Variants in EPHA3 observed in about 807,000 individuals in gnomAD.
EPHA3 encodes ephrin type-A receptor 3.
A neutral mutation model predicts 107.1 loss-of-function variants in EPHA3; 42 were observed. The observed-to-expected ratio is 0.39, with a 90% confidence interval of 0.31 to 0.51. The LOEUF (loss-of-function observed/expected upper bound fraction) is 0.51, where lower values mean the gene tolerates loss of function less well. EPHA3 is among the 20% of genes least tolerant of loss of function. EPHA3 has a pLI of 0.78. For synonymous variants in EPHA3, 461 were observed against 424.8 expected, an observed-to-expected ratio of 1.09 and a Z score of -1.05; for missense variants, 1,183 against 1,211.2, an observed-to-expected ratio of 0.98 and a Z score of 0.35.
intron 2 of EPHA3, among the ~76,000 whole-genome samples, chr3:89,183,894 G>A (rs1015920967): frequency 6.6e-6 from 1 of 151,854 alleles, no homozygotes; most frequent in Non-Finnish European, 1.5e-5. Flanking sequence ...TGTGAGATTT[G>A]CTGGTTACAT....
chr3:89,291,054 G>A (rs540157317), intron 3 of EPHA3, among the ~76,000 whole-genome samples: 359 of 152,184 alleles, frequency 2.4e-3, no homozygotes, highest in Non-Finnish European at 3.4e-3. Context: ...TATACCCTTT[G>A]TAGTCAGCAT....
intron 5 of EPHA3, among the ~76,000 whole-genome samples, chr3:89,370,524 G>T (rs1161180701): frequency 6.6e-6 from 1 of 151,708 alleles, no homozygotes; most frequent in Non-Finnish European, 1.5e-5. Flanking sequence ...GGAGGAGGGG[G>T]GAGGGATAGC....
intron 2 of EPHA3, among the ~76,000 whole-genome samples, chr3:89,132,303 C>T (rs1704223099): frequency 6.6e-6 from 1 of 152,174 alleles, no homozygotes; most frequent in Non-Finnish European, 1.5e-5. Context: ...ATTTAAGCCA[C>T]TCTTAGTGTT....
intron 2 of EPHA3, among the ~76,000 whole-genome samples, chr3:89,129,629 C>T (rs1235228329): frequency 3.7e-5 from 5 of 135,438 alleles, no homozygotes; most frequent in African/African-American, 1.4e-4. Context: ...GAGAAACTGA[C>T]CAAATTACTG....
intron 16 of EPHA3, 30 bp from the exon 17 acceptor site, chr3:89,479,367 C>G (rs113453102): frequency 1.1e-5 from 17 of 1,578,808 alleles, no homozygotes; most frequent in African/African-American, 1.3e-5. Context: ...TCGAGGAAAC[C>G]GATTCTTATA....
At chr3:89,452,111 T>C (rs781234444) in intron 15 of EPHA3, among the ~76,000 whole-genome samples, 2 of 152,198 alleles carry the variant, frequency 1.3e-5, no homozygotes, top group Non-Finnish European at 2.9e-5. Flanking sequence ...CTTCTGTCAG[T>C]GGATACCTAT....
chr3:89,232,907 G>A (rs547918731), intron 3 of EPHA3, among the ~76,000 whole-genome samples: 2 of 152,240 alleles, frequency 1.3e-5, no homozygotes, highest in Admixed American at 1.3e-4. Flanking sequence ...TTGAACCGTA[G>A]CTGTTAGCTC....
intron 3 of EPHA3, among the ~76,000 whole-genome samples, chr3:89,258,377 T>C (rs1437246831): frequency 6.6e-6 from 1 of 152,184 alleles, no homozygotes; most frequent in Non-Finnish European, 1.5e-5. Context: ...GTGGCCTATA[T>C]ACTAGAAGAC....
intron 11 of EPHA3, among the ~76,000 whole-genome samples, chr3:89,425,435 G>A (rs552309486): frequency 1.4e-5 from 2 of 140,930 alleles, no homozygotes; most frequent in Non-Finnish European, 3.1e-5. Flanking sequence ...TCCTGACACT[G>A]ATTATATAGA....
chr3:89,409,628 G>A (rs1041221174), intron 9 of EPHA3, among the ~76,000 whole-genome samples: 1 of 151,950 alleles, frequency 6.6e-6, no homozygotes. Context: ...AAAGAGAAAT[G>A]CATTTCATCC....
chr3:89,358,112 T>C (rs1708005970), intron 5 of EPHA3, among the ~76,000 whole-genome samples: 1 of 151,122 alleles, frequency 6.6e-6, no homozygotes, highest in African/African-American at 2.4e-5. Context: ...AGAAAGTATA[T>C]GGAGTCTAAC....
intron 3 of EPHA3, among the ~76,000 whole-genome samples, chr3:89,330,672 CT>C (rs1316501250): frequency 1.3e-5 from 2 of 152,080 alleles, no homozygotes; most frequent in African/African-American, 2.4e-5. Context: ...AGTTTGTCAT[CT>C]TTTATTTGCA....
At chr3:89,285,111 A>G (rs1706048278) in intron 3 of EPHA3, among the ~76,000 whole-genome samples, 1 of 152,188 alleles carries the variant, frequency 6.6e-6, no homozygotes, top group Non-Finnish European at 1.5e-5. Flanking sequence ...CAACAGAGCG[A>G]AACTCTGTCT....
chr3:89,150,788 A>C (rs1191696398), intron 2 of EPHA3, among the ~76,000 whole-genome samples: 1 of 152,048 alleles, frequency 6.6e-6, no homozygotes, highest in African/African-American at 2.4e-5. Flanking sequence ...AACACTTGTA[A>C]TTTGACATTT....
chr3:89,128,878 C>T (rs1305814902), intron 2 of EPHA3, among the ~76,000 whole-genome samples: 1 of 151,718 alleles, frequency 6.6e-6, no homozygotes, highest in Non-Finnish European at 1.5e-5. Context: ...AAATGAATTC[C>T]CCCATTGTTA....
chr3:89,199,566 T>C (rs1463256001), intron 2 of EPHA3, among the ~76,000 whole-genome samples: 1 of 152,200 alleles, frequency 6.6e-6, no homozygotes, highest in Non-Finnish European at 1.5e-5. Flanking sequence ...TTCTCTTCTT[T>C]GGTAAATCTT....
intron 5 of EPHA3, among the ~76,000 whole-genome samples, chr3:89,370,949 A>G (rs568799860): frequency 1.1e-5 from 1 of 92,264 alleles, no homozygotes; most frequent in African/African-American, 3.4e-5. Flanking sequence ...GTGCACCTAG[A>G]CAAAACATCT....
chr3:89,417,376 G>GAAT (rs1709269868), intron 10 of EPHA3, among the ~76,000 whole-genome samples: 1 of 151,456 alleles, frequency 6.6e-6, no homozygotes, highest in Admixed American at 6.6e-5. Flanking sequence ...TAGAATATGT[G>GAAT]ATGATGACAT....
At chr3:89,108,299 A>G (rs961094276) in intron 1 of EPHA3, among the ~76,000 whole-genome samples, 3 of 152,100 alleles carry the variant, frequency 2.0e-5, no homozygotes, top group East Asian at 1.9e-4. Context: ...GCATTTATGA[A>G]TGGACTAAAG....
Sources: gnomAD v4.1 joint callset for allele counts (sites outside exome capture counted in the v4.1 genomes callset) on GRCh38, gnomAD v4.1.1 for gene constraint, MANE v1.5 for transcripts, NCBI Gene and HGNC (gene_info 2026-07-23, HGNC 2026-07-21) for gene names.